L3MBTL4: variants seen among roughly 807,000 people sequenced by gnomAD.
The protein encoded by L3MBTL4 is L3MBTL histone methyl-lysine binding protein 4, also known as lethal(3)malignant brain tumor-like protein 4.
In L3MBTL4, 70 loss-of-function variants were observed where a neutral mutation model predicts 84.5. The ratio of observed to expected loss-of-function variants is 0.83; its 90% confidence interval spans 0.68 to 1.01. The LOEUF is 1.01. Ranked by LOEUF, L3MBTL4 falls within the 50% of genes least tolerant of loss-of-function variation. L3MBTL4 has a pLI of 0.00. For synonymous variants in L3MBTL4, 274 were observed against 259.8 expected (o/e 1.05, Z -0.52); for missense variants, 715 against 754.8 (o/e 0.95, Z 0.62).
intron 16 of L3MBTL4, among the ~76,000 whole-genome samples, chr18:6,061,717 T>C (rs1381885657): frequency 6.6e-6 from 1 of 152,040 alleles, no homozygotes; most frequent in Non-Finnish European, 1.5e-5. Flanking sequence ...CTCCCTTCTC[T>C]GATTTTAATT....
intron 16 of L3MBTL4, among the ~76,000 whole-genome samples, chr18:5,973,309 AGGGT>A (rs776183714): frequency 6.6e-6 from 1 of 152,214 alleles, no homozygotes; most frequent in Non-Finnish European, 1.5e-5. Flanking sequence ...CTGCCACTGC[AGGGT>A]GGACATCTGC....
intron 1 of L3MBTL4, among the ~76,000 whole-genome samples, chr18:6,350,849 A>G (rs556855133): frequency 5.8e-4 from 88 of 152,334 alleles, no homozygotes; most frequent in African/African-American, 2.0e-3. Flanking sequence ...ATGAATCGAT[A>G]AAGAAAATGT....
At chr18:6,325,427 C>G in intron 1 of L3MBTL4, among the ~76,000 whole-genome samples, 1 of 152,116 alleles carries the variant, frequency 6.6e-6, no homozygotes, top group East Asian at 1.9e-4. Flanking sequence ...TCAAGTGATC[C>G]GCCTGACTCA....
chr18:6,108,757 C>T (rs1406502068), intron 14 of L3MBTL4, among the ~76,000 whole-genome samples: 2 of 152,126 alleles, frequency 1.3e-5, no homozygotes, highest in Non-Finnish European at 2.9e-5. Context: ...TCCTCAGATT[C>T]AACCAACCAC....
intron 5 of L3MBTL4, among the ~76,000 whole-genome samples, chr18:6,248,096 C>A (rs1297454009): frequency 6.6e-6 from 1 of 152,150 alleles, no homozygotes; most frequent in Admixed American, 6.5e-5. Flanking sequence ...TAAGTTCAAA[C>A]AGATATGTCT....
At chr18:6,195,346 C>T (rs1944492340) in intron 12 of L3MBTL4, among the ~76,000 whole-genome samples, 1 of 152,224 alleles carries the variant, frequency 6.6e-6, no homozygotes, top group Non-Finnish European at 1.5e-5. Context: ...GTCCGCTACC[C>T]TGTGCCCCTG....
intron 16 of L3MBTL4, chr18:6,046,631 G>T: frequency 1.6e-6 from 1 of 637,422 alleles, no homozygotes. Flanking sequence ...ATGGAAATTA[G>T]AAAACTTGCA....
rs150600136 is a variant in L3MBTL4, at chr18:6,329,080, A to T, written c.-90-17024T>A. Among the ~76,000 whole-genome samples, 802 of 152,126 alleles carry T rather than the reference A, an allele frequency of 5.3e-3. 12 individuals are homozygous for T. Among genetic ancestry groups the T allele is most frequent in the African/African-American group, 0.019 (769 of 41,512 alleles). On this transcript the variant is annotated intron_variant, in intron 1 of 18. Coordinates refer to ENST00000317931, the MANE Select transcript of L3MBTL4 (RefSeq NM_001330559.2). ...CCTTGGTCACTACTTCAATCAAGGC[A>T]AATCTTGATGGTTGTCCCACCTTCC...
chr18:6,413,701 T>A (rs560084706), intron 1 of L3MBTL4, among the ~76,000 whole-genome samples: 1 of 152,232 alleles, frequency 6.6e-6, no homozygotes, highest in East Asian at 1.9e-4. Context: ...CAAGTCATAG[T>A]GGAGTCCAAA....
intron 12 of L3MBTL4, among the ~76,000 whole-genome samples, chr18:6,173,574 G>T (rs759531905): frequency 1.3e-5 from 2 of 152,130 alleles, no homozygotes; most frequent in Non-Finnish European, 2.9e-5. Flanking sequence ...GAGCCCAGGA[G>T]TTCCAGACCA....
At chr18:6,325,935 G>T (rs903137509) in intron 1 of L3MBTL4, among the ~76,000 whole-genome samples, 24 of 152,274 alleles carry the variant, frequency 1.6e-4, no homozygotes, top group African/African-American at 5.8e-4. Context: ...AGCAAGGCTT[G>T]CTCCTTTTCT....
chr18:6,026,811 A>AATAT (rs2145561544), intron 16 of L3MBTL4, among the ~76,000 whole-genome samples: 1 of 152,310 alleles, frequency 6.6e-6, no homozygotes, highest in South Asian at 2.1e-4. Flanking sequence ...ATAAGTTGAA[A>AATAT]ATATCTAAGT....
chr18:6,055,687 G>T (rs189568858), intron 16 of L3MBTL4, among the ~76,000 whole-genome samples: 103 of 152,190 alleles, frequency 6.8e-4, no homozygotes, highest in Admixed American at 1.2e-3. Flanking sequence ...ATATAATAAG[G>T]AAACAATTAA....
intron 16 of L3MBTL4, chr18:6,030,732 C>T: frequency 2.0e-6 from 2 of 975,942 alleles, no homozygotes; most frequent in Middle Eastern, 5.3e-4. Flanking sequence ...ATCTCCATTT[C>T]TCTCTACTCC....
chr18:6,331,199 T>A (rs977452583), intron 1 of L3MBTL4, among the ~76,000 whole-genome samples: 2 of 152,182 alleles, frequency 1.3e-5, no homozygotes, highest in Non-Finnish European at 2.9e-5. Context: ...TGGTTTGAGA[T>A]AGAAATTGTC....
intron 18 of L3MBTL4, among the ~76,000 whole-genome samples, chr18:5,958,747 A>G (rs1203685974): frequency 1.3e-5 from 2 of 152,168 alleles, no homozygotes; most frequent in Non-Finnish European, 2.9e-5. Context: ...CGGTGCTTCA[A>G]ACATGCTCAC....
chr18:5,991,638 G>A (rs571727769), intron 16 of L3MBTL4, among the ~76,000 whole-genome samples: 7 of 152,240 alleles, frequency 4.6e-5, no homozygotes, highest in African/African-American at 9.6e-5. Context: ...CACAGCTGCC[G>A]TGTCAAGATT....
chr18:6,227,848 A>G (rs866878376), intron 10 of L3MBTL4, among the ~76,000 whole-genome samples: 1 of 151,940 alleles, frequency 6.6e-6, no homozygotes, highest in Non-Finnish European at 1.5e-5. Flanking sequence ...TTTTTTTTTA[A>G]TAGAGATATA....
At chr18:6,316,790 G>T (rs1434308312) in intron 1 of L3MBTL4, among the ~76,000 whole-genome samples, 1 of 152,106 alleles carries the variant, frequency 6.6e-6, no homozygotes, top group African/African-American at 2.4e-5. Flanking sequence ...GAAGAACTAA[G>T]GTGGCTCCCA....
Sources: allele counts gnomAD v4.1 joint callset (sites outside exome capture counted in the v4.1 genomes callset), GRCh38; gene constraint gnomAD v4.1.1; transcripts MANE v1.5; gene names NCBI Gene and HGNC (gene_info 2026-07-23, HGNC 2026-07-21).